TOX4: variants seen among roughly 807,000 people sequenced by gnomAD.
The protein encoded by TOX4 is TOX high mobility group box family member 4, also known as epidermal Langerhans cell protein LCP1.
A neutral mutation model predicts 61.0 loss-of-function variants in TOX4; 12 were observed. That is an observed-to-expected ratio of 0.20 (90% CI 0.13 to 0.32). The LOEUF (loss-of-function observed/expected upper bound fraction) is 0.32. Ranked by LOEUF, TOX4 falls within the 10% of genes least tolerant of loss-of-function variation. The pLI is 1.00. For synonymous variants in TOX4, 268 were observed against 274.8 expected (o/e 0.98, Z 0.24); for missense variants, 499 against 753.3 (o/e 0.66, Z 3.95).
In TOX4 at chr14:21,492,800, T is replaced by A. The variant is rs757518694; in HGVS notation, c.1184T>A (p.Val395Glu). ...GMVTVIPATV[V>E]TSRGLQLGQT... ...GTTACTGTTATCCCAGCCACAGTGG[T>A]GACCTCCCGGGGGCTCCAACTAGGC... Residue 395 changes from valine to glutamate, a missense_variant, in exon 7 of 9, where the codon GTG (valine) becomes GAG (glutamate). Physicochemically the swap from Val to Glu is moderately radical, Grantham distance 121. Around this residue, in one of 7 missense-constraint regions of TOX4, gnomAD observed 296 missense variants for 404.7 expected, o/e 0.73. Transcript: ENST00000448790. 1.2e-6 allele frequency: 2 copies of A among 1,614,162 alleles called. No individual in the cohort carries two copies. Among genetic ancestry groups the A allele is most frequent in the Non-Finnish European group, 1.7e-6 (2 of 1,180,014 alleles).
At chr14:21,494,589 A>G (rs1224812603) in intron 7 of TOX4, among the ~76,000 whole-genome samples, 1 of 152,138 alleles carries the variant, frequency 6.6e-6, no homozygotes, top group Non-Finnish European at 1.5e-5. Flanking sequence ...CTACTAAAAA[A>G]TACAAAAAAA....
chr14:21,485,672 G>A (rs1279337397), intron 2 of TOX4, among the ~76,000 whole-genome samples: 2 of 101,668 alleles, frequency 2.0e-5, no homozygotes, highest in African/African-American at 7.4e-5. Flanking sequence ...TCAAGAGATC[G>A]AGGCCAACAT....
intron 5 of TOX4, 59 bp from the exon 6 acceptor site, chr14:21,492,237 C>T: frequency 7.0e-7 from 1 of 1,431,292 alleles, no homozygotes; most frequent in Non-Finnish European, 9.7e-7. Context: ...ACAGAACTAT[C>T]AGTCTTTCCT....
chr14:21,493,243 G>T lies in TOX4; in HGVS notation c.1627G>T (p.Asp543Tyr). Residue 543 changes from aspartate to tyrosine, a missense_variant, in exon 7 of 9, where the codon GAT becomes TAT. By Grantham distance (160) the Asp-to-Tyr change is radical (BLOSUM62 -3). Coordinates refer to ENST00000448790, the MANE Select transcript of TOX4 (RefSeq NM_014828.4). ...TGAGACTATCTGTGAGATGATCACA[G>T]ATGTAGTTCCTGAGGTGAGCCTTTG... Reference protein sequence around the residue: ...SPETICEMITDVVPEVESPSQ... With the variant: ...SPETICEMITYVVPEVESPSQ... 1.2e-6 allele frequency: 2 copies of T among 1,609,092 alleles called. No homozygotes were observed.
intron 2 of TOX4, among the ~76,000 whole-genome samples, chr14:21,481,705 G>GA (rs1891109829): frequency 1.3e-5 from 2 of 151,802 alleles, no homozygotes; most frequent in East Asian, 1.9e-4. Flanking sequence ...TCTATCAACA[G>GA]AAAAAAATGG....
rs778025265 is a variant in TOX4, at chr14:21,492,981, G to A, written c.1365G>A (p.Pro455=). The change falls in exon 7 of 9, where the codon CCG becomes CCA. Residue 455 remains proline, a synonymous_variant. Coordinates refer to ENST00000448790, the MANE Select transcript of TOX4 (RefSeq NM_014828.4). ...CATTACAACAGATGCCACAGCCCCC[G>A]ACTCAGCAGCAAGTTACCATTCTGC... ...PPPLQQMPQP[P]TQQQVTILQQ... is the part of the protein sequence containing the mutation. The A allele has an allele frequency of 1.3e-5, 21 of 1,612,434 alleles. No homozygotes were observed. The highest frequency in any genetic ancestry group is 1.6e-4 in the Middle Eastern group (1 of 6,070).
At chr14:21,490,165 C>T (rs6571856) in intron 5 of TOX4, among the ~76,000 whole-genome samples, 139,215 of 151,614 alleles carry the variant, frequency 0.92, 64,024 homozygotes, top group Middle Eastern at 0.95. Flanking sequence ...AGCAAGACCC[C>T]GGCTCAAATA....
Position 21,498,480 on chromosome 14 carries a change from C to T in TOX4, c.*1874C>T, listed in dbSNP as rs1228097827. The T allele has an allele frequency of 1.0e-6, 1 of 988,058 alleles. No individual in the cohort carries two copies. The highest frequency in any genetic ancestry group is 1.5e-6 in the Non-Finnish European group (1 of 655,112). The allele number at this position is 988,058 out of a possible 1,614,324, so 61.2% of individuals were successfully genotyped here. On this transcript the variant is annotated 3_prime_UTR_variant, in exon 9 of 9. Transcript: ENST00000448790. ...CTGCCTATCATCATATCAAATATGCCAATTCTAAAAAGAGCTTAACATTAG... is the reference window on the plus strand; with the variant it reads ...CTGCCTATCATCATATCAAATATGCTAATTCTAAAAAGAGCTTAACATTAG...
Position 21,498,754 on chromosome 14 carries a change from A to C in TOX4, c.*2148A>C. The C allele has an allele frequency of 2.1e-6, 1 of 481,442 alleles. No homozygotes were observed. Among genetic ancestry groups the C allele is most frequent in the Non-Finnish European group, 3.7e-6 (1 of 270,344 alleles). 29.8% of individuals were successfully genotyped at this position (481,442 alleles called of 1,614,324 possible). ...TTCGTAACCACCAGGGGGCAGATTC[A>C]ATACATCACAGAATGGCTGAGGAAG... On this transcript the variant is annotated 3_prime_UTR_variant, in exon 9 of 9. Transcript: ENST00000448790.
chr14:21,488,357 C>A, intron 3 of TOX4: 1 of 503,850 alleles, frequency 2.0e-6, no homozygotes, highest in Non-Finnish European at 3.5e-6. Context: ...AACAGTGCGA[C>A]TTCTCTGATT....
chr14:21,495,224 C>T lies in TOX4; in HGVS notation c.1642-5C>T, dbSNP rs779347686. 12 of 1,613,426 alleles carry T rather than the reference C, an allele frequency of 7.4e-6. No individual in the cohort carries two copies. In the East Asian group the frequency reaches 1.1e-4, roughly 15 times the overall value. On this transcript the variant is annotated splice_polypyrimidine_tract_variant and splice_region_variant and intron_variant, in intron 7 of 8. Transcript: ENST00000448790. ...TCCACCTTGGTACTCTTCTTCTTCT[C>T]ACAGGTTGAGTCTCCTTCTCAGATG...
At chr14:21,484,306 G>A (rs527332070) in intron 2 of TOX4, among the ~76,000 whole-genome samples, 72 of 138,018 alleles carry the variant, frequency 5.2e-4, no homozygotes, top group South Asian at 1.7e-3. Context: ...TCTGCTAGCT[G>A]GAAATTTTCT....
chr14:21,488,207 C>T (rs925684508), intron 3 of TOX4: 66 of 192,438 alleles, frequency 3.4e-4, no homozygotes, highest in African/African-American at 1.4e-3. Context: ...TAATATTGGC[C>T]TTATTTATGC....
chr14:21,492,033 A>C (rs190972863), intron 5 of TOX4: 3 of 277,820 alleles, frequency 1.1e-5, no homozygotes, highest in Non-Finnish European at 2.0e-5. Context: ...AAAAAAATAA[A>C]ATAAATGTAG....
chr14:21,478,785 C>T lies in TOX4; in HGVS notation c.75+1221C>T, dbSNP rs534730052. Among the ~76,000 whole-genome samples, 10 of 152,056 alleles carry T rather than the reference C, an allele frequency of 6.6e-5. No homozygotes were observed. The South Asian group carries it at 1.9e-3, about 28-fold the overall frequency. ...GGATGAAAATGGGGTTGACAAGGGCCAGTTGCTAGTTTAACTTTTTTTTTC... is the reference window on the plus strand; with the variant it reads ...GGATGAAAATGGGGTTGACAAGGGCTAGTTGCTAGTTTAACTTTTTTTTTC... On this transcript the variant is annotated intron_variant, in intron 2 of 8. Transcript: ENST00000448790.
chr14:21,483,009 A>G (rs1373179088), intron 2 of TOX4, among the ~76,000 whole-genome samples: 1 of 152,214 alleles, frequency 6.6e-6, no homozygotes, highest in Non-Finnish European at 1.5e-5. Flanking sequence ...GGTGTATAGA[A>G]AGAATGCCTT....
intron 2 of TOX4, among the ~76,000 whole-genome samples, chr14:21,481,018 AG>A (rs1444154152): frequency 6.6e-6 from 1 of 152,090 alleles, no homozygotes; most frequent in African/African-American, 2.4e-5. Context: ...TGAACCTGGG[AG>A]GTGGAAGTTG....
Position 21,487,496 on chromosome 14 carries a change from C to T in TOX4, c.121C>T (p.Pro41Ser), listed in dbSNP as rs368186632. The T allele has an allele frequency of 3.1e-6, 5 of 1,613,918 alleles. No individual in the cohort carries two copies. Among genetic ancestry groups the T allele is most frequent in the African/African-American group, 1.3e-5 (1 of 74,892 alleles). ...GGGTGATGAGGAATTTGAAATCCCA[C>T]CTATCTCCTTGGATTCTGATCCCTC... The part of the protein sequence containing the change: ...SLGDEEFEIP[P>S]ISLDSDPSLA... The change falls in exon 3 of 9, where the codon CCT (proline) becomes TCT (serine). Residue 41 changes from proline (P) to serine (S), a missense_variant. Physicochemically the swap from Pro to Ser is moderately conservative, Grantham distance 74 (BLOSUM62 -1). Around this residue, in one of 7 missense-constraint regions of TOX4, gnomAD observed 11 missense variants for 38.8 expected, o/e 0.28. Coordinates refer to ENST00000448790, the MANE Select transcript of TOX4 (RefSeq NM_014828.4).
rs995631837 is a variant in TOX4 at position 21,477,206 on chromosome 14, G to A, written c.-73G>A. The A allele has an allele frequency of 1.5e-5, 24 of 1,613,320 alleles. No homozygotes were observed. The African/African-American group carries it at 2.8e-4, about 19-fold the overall frequency. On this transcript the variant is annotated 5_prime_UTR_variant, in exon 1 of 9. Coordinates refer to ENST00000448790, the MANE Select transcript of TOX4 (RefSeq NM_014828.4). Reference sequence around the variant, plus strand: ...AGAGAACACACGTCCTTGCGGAAGTGACGGCAGTTCCGAGTCCAGTGGGGG... The same window carrying A: ...AGAGAACACACGTCCTTGCGGAAGTAACGGCAGTTCCGAGTCCAGTGGGGG...
Sources: gnomAD v4.1 joint callset for allele counts (sites outside exome capture counted in the v4.1 genomes callset) on GRCh38, gnomAD v4.1.1 for gene constraint, gnomAD v4.1.1 regional missense constraint, MANE v1.5 for transcripts, NCBI Gene and HGNC (gene_info 2026-07-23, HGNC 2026-07-21) for gene names.